Variants in ADAM22 observed in about 807,000 individuals in gnomAD.
ADAM22 encodes the protein ADAM metallopeptidase domain 22.
ADAM22 carries 65 observed loss-of-function variants against 144.6 expected under a neutral mutation model. The ratio of observed to expected loss-of-function variants is 0.45; its 90% confidence interval spans 0.37 to 0.55. ADAM22 has a LOEUF of 0.55. Ranked by LOEUF, ADAM22 falls within the 20% of genes least tolerant of loss-of-function variation. The pLI, the probability that ADAM22 is intolerant of heterozygous loss-of-function variation, is 0.00. For missense variants in ADAM22, 974 were observed against 1,184.9 expected, an observed-to-expected ratio of 0.82 and a Z score of 2.61; for synonymous variants, 391 against 412.6, an observed-to-expected ratio of 0.95 and a Z score of 0.63.
At chr7:87,962,706 C>A (rs577769525) in intron 2 of ADAM22, among the ~76,000 whole-genome samples, 1 of 152,068 alleles carries the variant, frequency 6.6e-6, no homozygotes, top group South Asian at 2.1e-4. Context: ...ACCTTAGCCT[C>A]CCCAGTAGCT....
chr7:88,152,583 C>A (rs946228595), intron 20 of ADAM22, among the ~76,000 whole-genome samples: 29 of 152,144 alleles, frequency 1.9e-4, no homozygotes, highest in African/African-American at 7.0e-4. Context: ...ATGAGAAATT[C>A]ATGTATTATA....
At chr7:88,044,993 G>A (rs1409564757) in intron 3 of ADAM22, among the ~76,000 whole-genome samples, 1 of 151,758 alleles carries the variant, frequency 6.6e-6, no homozygotes, top group Non-Finnish European at 1.5e-5. Flanking sequence ...CCAAAGTGCT[G>A]GGATTACAGG....
chr7:87,996,896 G>C (rs979931927), intron 3 of ADAM22, among the ~76,000 whole-genome samples: 1 of 152,196 alleles, frequency 6.6e-6, no homozygotes, highest in Non-Finnish European at 1.5e-5. Context: ...AACAGTGCCT[G>C]TTTTATTGGG....
chr7:87,952,848 A>G (rs1053230488), intron 2 of ADAM22, among the ~76,000 whole-genome samples: 7 of 152,128 alleles, frequency 4.6e-5, no homozygotes, highest in Admixed American at 1.3e-4. Context: ...CAGAGATTCA[A>G]CTTCTTCCCG....
At chr7:88,009,482 T>G (rs1241384324) in intron 3 of ADAM22, among the ~76,000 whole-genome samples, 1 of 152,204 alleles carries the variant, frequency 6.6e-6, no homozygotes, top group Non-Finnish European at 1.5e-5. Context: ...ACAAAAGAAG[T>G]AGTCTTTGCT....
intron 3 of ADAM22, among the ~76,000 whole-genome samples, chr7:88,044,878 C>T (rs1341762382): frequency 6.6e-6 from 1 of 151,800 alleles, no homozygotes; most frequent in African/African-American, 2.4e-5. Context: ...GCACCTGCCA[C>T]CACACCTGGC....
intron 7 of ADAM22, among the ~76,000 whole-genome samples, chr7:88,122,003 G>A (rs910821897): frequency 6.6e-6 from 1 of 152,138 alleles, no homozygotes; most frequent in Non-Finnish European, 1.5e-5. Context: ...CAGTTTCTGT[G>A]GATCAGGAGT....
At chr7:88,060,166 G>C (rs1809398498) in intron 3 of ADAM22, among the ~76,000 whole-genome samples, 1 of 152,052 alleles carries the variant, frequency 6.6e-6, no homozygotes. Context: ...TTGCCACTCG[G>C]GGGTCTTGCC....
chr7:87,979,170 A>G (rs1399534440), intron 3 of ADAM22, among the ~76,000 whole-genome samples: 1 of 152,190 alleles, frequency 6.6e-6, no homozygotes, highest in Non-Finnish European at 1.5e-5. Context: ...TACAACAGGA[A>G]GAAAGTCTGA....
intron 3 of ADAM22, among the ~76,000 whole-genome samples, chr7:88,022,456 A>G (rs905256135): frequency 2.0e-5 from 3 of 152,208 alleles, no homozygotes; most frequent in East Asian, 3.9e-4. Context: ...TGACCAGTTA[A>G]TAAGATGATT....
intron 6 of ADAM22, among the ~76,000 whole-genome samples, chr7:88,116,268 A>T (rs980361475): frequency 1.3e-4 from 19 of 151,826 alleles, no homozygotes; most frequent in African/African-American, 4.6e-4. Flanking sequence ...TTGCTTTTTC[A>T]TATAGCTTGT....
At chr7:88,184,586 C>T (rs1183891344) in intron 29 of ADAM22, among the ~76,000 whole-genome samples, 1 of 152,192 alleles carries the variant, frequency 6.6e-6, no homozygotes, top group Non-Finnish European at 1.5e-5. Context: ...ACAAAGAGCT[C>T]CCCTATCCCA....
chr7:88,001,377 A>T (rs747778933), intron 3 of ADAM22, among the ~76,000 whole-genome samples: 2 of 152,184 alleles, frequency 1.3e-5, no homozygotes, highest in African/African-American at 2.4e-5. Flanking sequence ...AAGCATTTTC[A>T]TGTGGAATTT....
intron 3 of ADAM22, among the ~76,000 whole-genome samples, chr7:88,061,087 G>C (rs900765350): frequency 6.6e-6 from 1 of 151,840 alleles, no homozygotes; most frequent in African/African-American, 2.4e-5. Flanking sequence ...CTGGGTGACA[G>C]AGCAAGACTC....
intron 2 of ADAM22, among the ~76,000 whole-genome samples, chr7:87,940,705 C>T (rs1466814869): frequency 6.6e-6 from 1 of 152,164 alleles, no homozygotes; most frequent in East Asian, 1.9e-4. Context: ...TGTGGGTAGC[C>T]TTGCTATCTT....
At chr7:87,993,648 T>C (rs1790429468) in intron 3 of ADAM22, among the ~76,000 whole-genome samples, 1 of 152,236 alleles carries the variant, frequency 6.6e-6, no homozygotes, top group Admixed American at 6.5e-5. Flanking sequence ...TGCAGTGTGG[T>C]CACCCTGATA....
rs1285244330 is a variant in ADAM22 at position 87,988,893 on chromosome 7, G to A, written c.323+10481G>A. 9.2e-5 allele frequency among the ~76,000 whole-genome samples: 14 copies of A among 151,928 alleles called. No individual in the cohort carries two copies. In the East Asian group the frequency reaches 2.1e-3, roughly 23 times the overall value. ...CCTTTAGTCTTAGTCTGGAGAAGTA[G>A]CTTTTTCACTGTATTCTTTTAAAAG... On this transcript the variant is annotated intron_variant, in intron 3 of 31. Transcript: ENST00000413139.
intron 17 of ADAM22, among the ~76,000 whole-genome samples, chr7:88,146,920 A>G (rs997141334): frequency 1.3e-5 from 2 of 152,214 alleles, no homozygotes; most frequent in Non-Finnish European, 2.9e-5. Flanking sequence ...AATGTGAAAG[A>G]CATTCTTTGA....
chr7:88,195,602 G>T (rs557017854), intron 31 of ADAM22, among the ~76,000 whole-genome samples: 1 of 152,132 alleles, frequency 6.6e-6, no homozygotes, highest in South Asian at 2.1e-4. Flanking sequence ...TGCAAGCTCC[G>T]CCTCCCGGGT....
Sources: gnomAD v4.1 joint callset for allele counts (sites outside exome capture counted in the v4.1 genomes callset) on GRCh38, gnomAD v4.1.1 for gene constraint, MANE v1.5 for transcripts, NCBI Gene and HGNC (gene_info 2026-07-23, HGNC 2026-07-21) for gene names.